PTPRK: variants seen among roughly 807,000 people sequenced by gnomAD.
The protein encoded by PTPRK is protein tyrosine phosphatase receptor type K, also known as receptor-type tyrosine-protein phosphatase kappa.
Under a neutral mutation model 178.0 loss-of-function variants are expected in PTPRK, and 75 were observed. That is an observed-to-expected ratio of 0.42 (90% CI 0.35 to 0.51). The LOEUF (loss-of-function observed/expected upper bound fraction) is 0.51, where lower values mean the gene tolerates loss of function less well. PTPRK is among the 20% of genes least tolerant of loss of function. The probability of loss-of-function intolerance (pLI) is 0.02; values close to 1 mark genes in which losing one functional copy is unlikely to be tolerated. For missense variants in PTPRK, 1,441 were observed against 1,797.8 expected (o/e 0.80, Z 3.59); for synonymous variants, 637 against 620.6 (o/e 1.03, Z -0.39).
chr6:128,107,216 A>G (rs1455901212), intron 7 of PTPRK, among the ~76,000 whole-genome samples: 1 of 151,998 alleles, frequency 6.6e-6, no homozygotes, highest in African/African-American at 2.4e-5. Flanking sequence ...AAGTATATAA[A>G]TTGTTTGTTT....
intron 1 of PTPRK, among the ~76,000 whole-genome samples, chr6:128,444,247 G>A (rs1846651576): frequency 6.6e-6 from 1 of 152,136 alleles, no homozygotes; most frequent in Admixed American, 6.5e-5. Flanking sequence ...GCAAAATCCT[G>A]CTTATCAGTT....
chr6:128,239,931 G>GCACACA, intron 5 of PTPRK, 104 bp downstream of exon 5: 1 of 734,866 alleles, frequency 1.4e-6, no homozygotes, highest in African/African-American at 1.8e-5. Flanking sequence ...GTGTGCACAC[G>GCACACA]CACACACACA....
chr6:127,983,275 T>C lies in PTPRK; in HGVS notation c.3354A>G (p.Leu1118=). ...GGACCATATTAATACGCCGAGATCTTAAGGCTTTGACACAATTGTAAATAT... is the reference window on the plus strand; with the variant it reads ...GGACCATATTAATACGCCGAGATCTCAAGGCTTTGACACAATTGTAAATAT... ...VVDIYNCVKA[L]RSRRINMVQT... Residue 1118 remains leucine (L), a synonymous_variant, in exon 23 of 30, where the codon TTA becomes TTG. Coordinates refer to ENST00000368226, the MANE Select transcript of PTPRK (RefSeq NM_002844.4). 6.2e-7 allele frequency: 1 copy of C among 1,613,558 alleles called. No homozygotes were observed. Among genetic ancestry groups the C allele is most frequent in the Non-Finnish European group, 8.5e-7 (1 of 1,179,636 alleles).
intron 2 of PTPRK, among the ~76,000 whole-genome samples, chr6:128,355,645 G>A (rs560060115): frequency 6.6e-6 from 1 of 152,294 alleles, no homozygotes; most frequent in African/African-American, 2.4e-5. Context: ...GGGGCCTGTT[G>A]TGGGGTGGGA....
chr6:128,518,022 T>C (rs996382866), intron 1 of PTPRK, among the ~76,000 whole-genome samples: 1 of 152,146 alleles, frequency 6.6e-6, no homozygotes, highest in Non-Finnish European at 1.5e-5. Flanking sequence ...TCAAATGATT[T>C]ATGGTAGCCA....
chr6:128,110,362 C>G (rs1790446567), intron 7 of PTPRK, among the ~76,000 whole-genome samples: 1 of 152,080 alleles, frequency 6.6e-6, no homozygotes, highest in Non-Finnish European at 1.5e-5. Flanking sequence ...GGTAGAGGAG[C>G]CATACAATGT....
intron 6 of PTPRK, among the ~76,000 whole-genome samples, chr6:128,186,882 A>G (rs1168190506): frequency 6.6e-6 from 1 of 152,162 alleles, no homozygotes; most frequent in Non-Finnish European, 1.5e-5. Context: ...TGCTGCACAT[A>G]TTTTAAGAAG....
At chr6:127,971,866 A>G (rs1051994468) in intron 29 of PTPRK, among the ~76,000 whole-genome samples, 8 of 152,150 alleles carry the variant, frequency 5.3e-5, no homozygotes, top group African/African-American at 1.9e-4. Context: ...TTCAAATCGC[A>G]AAGTTTAGAG....
intron 3 of PTPRK, among the ~76,000 whole-genome samples, chr6:128,310,610 G>T (rs1827097242): frequency 1.3e-5 from 2 of 152,130 alleles, no homozygotes; most frequent in South Asian, 4.2e-4. Context: ...CACTGTGAAG[G>T]CAGCCCACTG....
chr6:128,253,784 A>C (rs1370510776), intron 3 of PTPRK, among the ~76,000 whole-genome samples: 1 of 152,230 alleles, frequency 6.6e-6, no homozygotes, highest in Admixed American at 6.5e-5. Flanking sequence ...AAGAAAATTA[A>C]AATCAGTAGT....
At chr6:128,002,120 T>C (rs1488133328) in intron 15 of PTPRK, among the ~76,000 whole-genome samples, 1 of 151,418 alleles carries the variant, frequency 6.6e-6, no homozygotes, top group African/African-American at 2.4e-5. Flanking sequence ...ATATCCTTTA[T>C]AGTAATTATA....
intron 3 of PTPRK, among the ~76,000 whole-genome samples, chr6:128,258,054 C>T (rs891014856): frequency 1.3e-5 from 2 of 151,906 alleles, no homozygotes; most frequent in African/African-American, 4.8e-5. Flanking sequence ...TCAATTAGGA[C>T]CACTGAGAAT....
chr6:128,214,593 G>T (rs1271224557), intron 6 of PTPRK, among the ~76,000 whole-genome samples: 5 of 146,612 alleles, frequency 3.4e-5, no homozygotes, highest in African/African-American at 1.3e-4. Context: ...GGTAGGTACT[G>T]CCCTCTTTAT....
intron 1 of PTPRK, among the ~76,000 whole-genome samples, chr6:128,422,527 T>C (rs1843600376): frequency 6.6e-6 from 1 of 152,118 alleles, no homozygotes; most frequent in African/African-American, 2.4e-5. Context: ...GATTCCCATG[T>C]ACTTTCCAAT....
At chr6:128,330,931 G>A (rs1160435433) in intron 2 of PTPRK, among the ~76,000 whole-genome samples, 1 of 151,998 alleles carries the variant, frequency 6.6e-6, no homozygotes, top group East Asian at 1.9e-4. Flanking sequence ...GCTTGTCTCA[G>A]TCTCCATGCA....
intron 2 of PTPRK, among the ~76,000 whole-genome samples, chr6:128,392,758 A>T (rs1839775395): frequency 7.8e-4 from 1 of 1,288 alleles, no homozygotes; most frequent in African/African-American, 1.6e-3. Flanking sequence ...ACAAAAAGAG[A>T]GAAAGAAATA....
chr6:128,087,436 A>T (rs1449382763), intron 8 of PTPRK, among the ~76,000 whole-genome samples: 2 of 152,188 alleles, frequency 1.3e-5, no homozygotes, highest in African/African-American at 4.8e-5. Flanking sequence ...CCATTTTAAA[A>T]GAAAAGATAG....
intron 1 of PTPRK, among the ~76,000 whole-genome samples, chr6:128,474,892 C>G (rs916622304): frequency 2.0e-5 from 3 of 152,078 alleles, no homozygotes; most frequent in African/African-American, 7.2e-5. Flanking sequence ...CCAACTCAGG[C>G]GATAAGAACT....
In PTPRK at chr6:128,092,116, T is replaced by A. The variant is rs548684331; in HGVS notation, c.1163-2124A>T. Among the ~76,000 whole-genome samples, 19 of 152,316 alleles carry A rather than the reference T, an allele frequency of 1.2e-4. 1 individual carries two copies. The highest frequency in any genetic ancestry group is 2.4e-4 in the Non-Finnish European group (16 of 68,014). On this transcript the variant is annotated intron_variant, in intron 7 of 29. Transcript: ENST00000368226. Reference sequence around the variant, plus strand: ...AGCTTTATTAGTCCTACACAATGTATATAAAGCACAATCATAATTTCAGTG... The same window carrying A: ...AGCTTTATTAGTCCTACACAATGTAAATAAAGCACAATCATAATTTCAGTG...
Sources: allele counts gnomAD v4.1 joint callset (sites outside exome capture counted in the v4.1 genomes callset), GRCh38; gene constraint gnomAD v4.1.1; transcripts MANE v1.5; gene names NCBI Gene and HGNC (gene_info 2026-07-23, HGNC 2026-07-21).